The following IGF1R variants were observed in gnomAD, a reference collection of about 807,000 sequenced individuals.
IGF1R encodes insulin like growth factor 1 receptor.
In IGF1R, 44 loss-of-function variants were observed where a neutral mutation model predicts 144.6. That is an observed-to-expected ratio of 0.30 (90% CI 0.24 to 0.39). IGF1R has a LOEUF of 0.39. IGF1R is among the 10% of genes least tolerant of loss of function. IGF1R has a pLI of 1.00. For synonymous variants in IGF1R, 795 were observed against 722.8 expected (o/e 1.10, Z -1.60); for missense variants, 1,355 against 1,833.7 (o/e 0.74, Z 4.77).
intron 2 of IGF1R, among the ~76,000 whole-genome samples, chr15:98,875,640 T>A (rs1456262073): frequency 6.6e-6 from 1 of 152,166 alleles, no homozygotes; most frequent in Non-Finnish European, 1.5e-5. Flanking sequence ...CTGCTTGTTT[T>A]GATTTTATAG....
At chr15:98,751,190 C>G (rs995434313) in intron 2 of IGF1R, among the ~76,000 whole-genome samples, 1 of 152,074 alleles carries the variant, frequency 6.6e-6, no homozygotes, top group African/African-American at 2.4e-5. Flanking sequence ...GCGACATACA[C>G]TCCTTATTAG....
intron 2 of IGF1R, among the ~76,000 whole-genome samples, chr15:98,881,419 C>G (rs1422879110): frequency 1.3e-5 from 2 of 152,376 alleles, no homozygotes; most frequent in South Asian, 2.1e-4. Flanking sequence ...CTCCCGGGTT[C>G]AAGCAATTCT....
intron 1 of IGF1R, among the ~76,000 whole-genome samples, chr15:98,686,072 C>T (rs2053321003): frequency 6.6e-6 from 1 of 152,198 alleles, no homozygotes; most frequent in South Asian, 2.1e-4. Flanking sequence ...TGGCAACCGC[C>T]ATTCCACTTT....
At chr15:98,939,151 GAA>G in intron 17 of IGF1R, 48 bp from the exon 18 acceptor site, 4 of 1,437,462 alleles carry the variant, frequency 2.8e-6, no homozygotes, top group African/African-American at 1.4e-5. Flanking sequence ...AATTGGCATG[GAA>G]AAAAAAAATC....
chr15:98,898,487 A>G (rs1352180034), intron 4 of IGF1R, among the ~76,000 whole-genome samples: 1 of 152,234 alleles, frequency 6.6e-6, no homozygotes, highest in Non-Finnish European at 1.5e-5. Flanking sequence ...TTTAAAATTC[A>G]GGATCTCTTC....
chr15:98,744,382 C>A (rs904879156), intron 2 of IGF1R, among the ~76,000 whole-genome samples: 4 of 151,904 alleles, frequency 2.6e-5, no homozygotes, highest in African/African-American at 4.8e-5. Context: ...AGAGGGGAGG[C>A]CTTTGAGGAC....
intron 2 of IGF1R, among the ~76,000 whole-genome samples, chr15:98,794,827 G>A (rs1357132255): frequency 1.3e-5 from 2 of 152,180 alleles, no homozygotes; most frequent in African/African-American, 4.8e-5. Context: ...AAATGTGCCT[G>A]GTGTCGTCTT....
intron 2 of IGF1R, among the ~76,000 whole-genome samples, chr15:98,738,723 C>A (rs2054668916): frequency 6.6e-6 from 1 of 152,180 alleles, no homozygotes; most frequent in African/African-American, 2.4e-5. Flanking sequence ...CAACTCTGTA[C>A]TTGAATACTT....
chr15:98,746,774 G>T (rs2054876944), intron 2 of IGF1R, among the ~76,000 whole-genome samples: 1 of 152,134 alleles, frequency 6.6e-6, no homozygotes, highest in African/African-American at 2.4e-5. Context: ...CTTTTAATTT[G>T]AGAGTTGAGG....
At chr15:98,904,127 A>G (rs1310695879) in intron 5 of IGF1R, among the ~76,000 whole-genome samples, 2 of 145,570 alleles carry the variant, frequency 1.4e-5, no homozygotes, top group African/African-American at 5.1e-5. Flanking sequence ...GTCTCGGATC[A>G]CTGCAAGCTC....
At chr15:98,875,429 A>T (rs2141615999) in intron 2 of IGF1R, among the ~76,000 whole-genome samples, 1 of 150,598 alleles carries the variant, frequency 6.6e-6, no homozygotes, top group African/African-American at 2.4e-5. Flanking sequence ...TTAATTTGGG[A>T]AGTACAGTCA....
chr15:98,908,744 A>G lies in IGF1R; in HGVS notation c.1307A>G (p.His436Arg). The G allele has an allele frequency of 6.2e-7, 1 of 1,614,186 alleles. No homozygotes were observed. The stretch of plus-strand genomic sequence containing the variant: ...TTGCAGCAACTGTGGGACTGGGACC[A>G]CCGCAACCTGACCATCAAAGCAGGG... The part of the protein sequence containing the change: ...QNLQQLWDWD[H>R]RNLTIKAGKM... Residue 436 changes from histidine to arginine, a missense_variant, in exon 6 of 21, where the codon CAC (histidine) becomes CGC (arginine). His to Arg is a conservative substitution (Grantham distance 29). Around this residue, in one of 7 missense-constraint regions of IGF1R, gnomAD observed 880 missense variants for 1,202.7 expected, o/e 0.73. Coordinates refer to ENST00000650285, the MANE Select transcript of IGF1R (RefSeq NM_000875.5).
At chr15:98,863,328 C>G (rs1258105953) in intron 2 of IGF1R, among the ~76,000 whole-genome samples, 1 of 152,148 alleles carries the variant, frequency 6.6e-6, no homozygotes, top group East Asian at 1.9e-4. Flanking sequence ...AAGGTGGTCT[C>G]TGTGGCTTCC....
rs1452576221 is a variant in IGF1R at position 98,811,508 on chromosome 15, T to G, written c.641-79817T>G. Among the ~76,000 whole-genome samples the G allele has an allele frequency of 3.5e-5, 5 of 143,690 alleles. No homozygotes were observed. The East Asian group carries it at 1.0e-3, about 30-fold the overall frequency. The allele number at this position is 143,690 out of a possible 152,430, so 94.3% of individuals were successfully genotyped here. ...TCACGCCACTGCACTCCAGCCTGGG[T>G]GACAGAGCGAAACTCCATCTCAAAA... is the stretch of plus-strand genomic sequence containing the variant. On this transcript the variant is annotated intron_variant, in intron 2 of 20. Transcript: ENST00000650285.
At chr15:98,942,856 G>T in intron 18 of IGF1R, 67 bp from the exon 19 acceptor site, 1 of 1,598,430 alleles carries the variant, frequency 6.3e-7, no homozygotes, top group Non-Finnish European at 8.6e-7. Context: ...TGAGTGTAGG[G>T]TCCTCTGCTG....
chr15:98,650,741 G>A, intron 1 of IGF1R: 1 of 262,372 alleles, frequency 3.8e-6, no homozygotes, highest in Non-Finnish European at 5.9e-6. Flanking sequence ...GCGGAGCCCT[G>A]GCCTTGGTTT....
chr15:98,875,484 T>C (rs182638779), intron 2 of IGF1R, among the ~76,000 whole-genome samples: 3 of 152,106 alleles, frequency 2.0e-5, no homozygotes, highest in African/African-American at 7.2e-5. Flanking sequence ...ATTGAGCAAG[T>C]AAACTTCACA....
At chr15:98,870,576 G>A (rs776624490) in intron 2 of IGF1R, among the ~76,000 whole-genome samples, 1 of 152,184 alleles carries the variant, frequency 6.6e-6, no homozygotes, top group African/African-American at 2.4e-5. Context: ...CAGTGTGGTT[G>A]GAGCAGGGGC....
At chr15:98,860,530 C>T (rs965057846) in intron 2 of IGF1R, among the ~76,000 whole-genome samples, 6 of 152,192 alleles carry the variant, frequency 3.9e-5, no homozygotes, top group Admixed American at 2.6e-4. Flanking sequence ...ATCTTTCCAA[C>T]ATGTATTCTG....
Sources: gnomAD v4.1 joint callset for allele counts (sites outside exome capture counted in the v4.1 genomes callset) on GRCh38, gnomAD v4.1.1 for gene constraint, gnomAD v4.1.1 regional missense constraint, MANE v1.5 for transcripts, NCBI Gene and HGNC (gene_info 2026-07-23, HGNC 2026-07-21) for gene names.